MSL2: variants seen among roughly 807,000 people sequenced by gnomAD.
MSL2 encodes E3 ubiquitin-protein ligase MSL2.
Under a neutral mutation model 35.8 loss-of-function variants are expected in MSL2, and 2 were observed. The ratio of observed to expected loss-of-function variants is 0.06; its 90% CI spans 0.02 to 0.18. The LOEUF (loss-of-function observed/expected upper bound fraction) is 0.18. MSL2 is among the 10% of genes least tolerant of loss of function. MSL2 has a pLI of 1.00. For missense variants in MSL2, 523 were observed against 706.7 expected, an observed-to-expected ratio of 0.74 and a Z score of 2.95; for synonymous variants, 296 against 255.7, an observed-to-expected ratio of 1.16 and a Z score of -1.50.
chr3:136,192,666 C>A, intron 1 of MSL2, among the ~76,000 whole-genome samples: 1 of 151,420 alleles, frequency 6.6e-6, no homozygotes, highest in Non-Finnish European at 1.5e-5. Context: ...TATGTAAAAC[C>A]ACAGTTGAAT....
intron 1 of MSL2, chr3:136,194,649 G>A (rs1364402868): frequency 1.4e-5 from 4 of 282,806 alleles, no homozygotes; most frequent in Non-Finnish European, 2.5e-5. Context: ...CAGCTCCCGC[G>A]GCAAAGGTTT....
intron 1 of MSL2, among the ~76,000 whole-genome samples, chr3:136,191,395 G>C (rs558724728): frequency 6.6e-6 from 1 of 151,690 alleles, no homozygotes; most frequent in Non-Finnish European, 1.5e-5. Context: ...TTGAACCCAG[G>C]AGGTAGAGGT....
intron 1 of MSL2, among the ~76,000 whole-genome samples, chr3:136,184,050 C>G (rs1940440657): frequency 6.6e-6 from 1 of 152,134 alleles, no homozygotes; most frequent in African/African-American, 2.4e-5. Context: ...AATCGCAGCA[C>G]TTTGGGAGGC....
Position 136,164,017 on chromosome 3 carries a change from A to C in MSL2, c.143-11279T>G, listed in dbSNP as rs1470314360. Reference sequence around the variant, plus strand: ...TTTATAGCAGTATGAAAACAGACTAATACAATGCATAAATGCAATGAAATG... The same window carrying C: ...TTTATAGCAGTATGAAAACAGACTACTACAATGCATAAATGCAATGAAATG... On this transcript the variant is annotated intron_variant, in intron 1 of 1. Transcript: ENST00000309993. Among the ~76,000 whole-genome samples, 3 of 152,246 alleles carry C rather than the reference A, an allele frequency of 2.0e-5. No individual in the cohort carries two copies. The East Asian group carries it at 5.8e-4, about 29-fold the overall frequency.
At chr3:136,174,359 G>T (rs1318080127) in intron 1 of MSL2, among the ~76,000 whole-genome samples, 6 of 152,156 alleles carry the variant, frequency 3.9e-5, no homozygotes, top group Admixed American at 2.6e-4. Flanking sequence ...TCCCAGCCTA[G>T]AATTATTTTC....
At chr3:136,189,208 G>A (rs536479965) in intron 1 of MSL2, among the ~76,000 whole-genome samples, 1 of 147,530 alleles carries the variant, frequency 6.8e-6, no homozygotes, top group East Asian at 2.0e-4. Flanking sequence ...GCTGAGGTGG[G>A]AGGACAGCTT....
chr3:136,186,470 AG>A (rs1486474202), intron 1 of MSL2, among the ~76,000 whole-genome samples: 1 of 152,242 alleles, frequency 6.6e-6, no homozygotes, highest in Non-Finnish European at 1.5e-5. Context: ...GGAAGTGAGC[AG>A]GAAGTGAACT....
At chr3:136,176,431 C>T (rs1046781114) in intron 1 of MSL2, among the ~76,000 whole-genome samples, 1 of 150,936 alleles carries the variant, frequency 6.6e-6, no homozygotes, top group Non-Finnish European at 1.5e-5. Context: ...GGAACAATCA[C>T]CTAAGCCCAG....
intron 1 of MSL2, among the ~76,000 whole-genome samples, chr3:136,176,677 T>A (rs912966908): frequency 1.8e-4 from 28 of 151,578 alleles, no homozygotes; most frequent in African/African-American, 3.6e-4. Flanking sequence ...AAAAAAAATT[T>A]AAAAATTAAC....
chr3:136,153,150 G>C, intron 1 of MSL2: 1 of 725,486 alleles, frequency 1.4e-6, no homozygotes, highest in Non-Finnish European at 1.7e-6. Flanking sequence ...TGAGGTGATG[G>C]CTTGAGCCCT....
chr3:136,191,320 A>G (rs1001452598), intron 1 of MSL2, among the ~76,000 whole-genome samples: 4 of 152,002 alleles, frequency 2.6e-5, no homozygotes, highest in South Asian at 2.1e-4. Flanking sequence ...TACAAAAATT[A>G]GCTGGGTGTG....
At chr3:136,167,794 GA>G (rs948420810) in intron 1 of MSL2, among the ~76,000 whole-genome samples, 5 of 152,050 alleles carry the variant, frequency 3.3e-5, no homozygotes, top group African/African-American at 9.7e-5. Context: ...AAATATATGG[GA>G]AAATATTTGG....
chr3:136,182,733 G>A, intron 1 of MSL2, among the ~76,000 whole-genome samples: 1 of 151,256 alleles, frequency 6.6e-6, no homozygotes, highest in Non-Finnish European at 1.5e-5. Flanking sequence ...AAAAAAAAGA[G>A]AAAGAAGTCC....
chr3:136,195,727 G>C lies in MSL2; in HGVS notation c.-614C>G, dbSNP rs1001526474. On this transcript the variant is annotated 5_prime_UTR_variant, in exon 1 of 2. Transcript: ENST00000309993. ...ACGCCGCCGCCGCGCTCTCCATATCGGACGCGGGGCCCAGACTGCGCCCTG... is the reference window on the plus strand; with the variant it reads ...ACGCCGCCGCCGCGCTCTCCATATCCGACGCGGGGCCCAGACTGCGCCCTG... 2.0e-6 allele frequency: 2 copies of C among 984,770 alleles called. No homozygotes were observed. The highest frequency in any genetic ancestry group is 4.7e-5 in the South Asian group (1 of 21,288). The allele number at this position is 984,770 out of a possible 1,614,324, so 61.0% of individuals were successfully genotyped here.
In MSL2 at chr3:136,195,363, G is replaced by C; in HGVS notation, c.-250C>G. The C allele has an allele frequency of 8.0e-7, 1 of 1,254,938 alleles. No individual in the cohort carries two copies. The highest frequency in any genetic ancestry group is 1.0e-6 in the Non-Finnish European group (1 of 997,444). The allele number at this position is 1,254,938 out of a possible 1,614,324, so 77.7% of individuals were successfully genotyped here. A position where few individuals can be genotyped will look rare whatever the true frequency, so the allele number is the denominator to read the frequency against. On this transcript the variant is annotated 5_prime_UTR_variant, in exon 1 of 2. Coordinates refer to ENST00000309993, the MANE Select transcript of MSL2 (RefSeq NM_018133.4). Reference sequence around the variant, plus strand: ...ATATGAGAGAGAAACCAGCGTTCGAGTTCGTCCGGAGCGACCACAGAGCGC... The same window carrying C: ...ATATGAGAGAGAAACCAGCGTTCGACTTCGTCCGGAGCGACCACAGAGCGC...
intron 1 of MSL2, among the ~76,000 whole-genome samples, chr3:136,187,918 C>G (rs1040504348): frequency 2.6e-5 from 4 of 151,954 alleles, no homozygotes; most frequent in African/African-American, 9.7e-5. Context: ...GATTTTGATT[C>G]AGGTGGCCTG....
chr3:136,170,919 C>T (rs974989573), intron 1 of MSL2, among the ~76,000 whole-genome samples: 1 of 151,962 alleles, frequency 6.6e-6, no homozygotes, highest in Non-Finnish European at 1.5e-5. Context: ...GTAGCAGAAC[C>T]CTAACAATGA....
intron 1 of MSL2, among the ~76,000 whole-genome samples, chr3:136,189,405 C>T (rs1238167308): frequency 1.4e-5 from 2 of 143,648 alleles, no homozygotes; most frequent in Non-Finnish European, 3.0e-5. Flanking sequence ...TTCCTACCTG[C>T]ATACTAGATA....
At chr3:136,160,843 C>T (rs1201220256) in intron 1 of MSL2, among the ~76,000 whole-genome samples, 1 of 152,142 alleles carries the variant, frequency 6.6e-6, no homozygotes, top group Non-Finnish European at 1.5e-5. Flanking sequence ...AATCCCAGCA[C>T]TTTAGGAGGA....
Sources: gnomAD v4.1 joint callset for allele counts (sites outside exome capture counted in the v4.1 genomes callset) on GRCh38, gnomAD v4.1.1 for gene constraint, MANE v1.5 for transcripts, NCBI Gene and HGNC (gene_info 2026-07-23, HGNC 2026-07-21) for gene names.